The following ALG8 variants were observed in gnomAD, a reference collection of about 807,000 sequenced individuals.
ALG8 encodes the protein dolichyl pyrophosphate Glc1Man9GlcNAc2 alpha-1,3-glucosyltransferase.
ALG8 carries 48 observed loss-of-function variants against 70.2 expected under a neutral mutation model. That is an observed-to-expected ratio of 0.68 (90% CI 0.54 to 0.87). ALG8 has a LOEUF of 0.87. Among genes scored for constraint, ALG8 ranks in the 40% least tolerant of loss-of-function variants. ALG8 has a pLI of 0.00. For missense variants in ALG8, 572 were observed against 608.7 expected (o/e 0.94, Z 0.64); for synonymous variants, 234 against 229.0 (o/e 1.02, Z -0.20).
At chr11:78,134,726 T>C (rs1861468394) in intron 1 of ALG8, among the ~76,000 whole-genome samples, 1 of 152,238 alleles carries the variant, frequency 6.6e-6, no homozygotes, top group Admixed American at 6.5e-5. Flanking sequence ...CCATGAGAAG[T>C]AACTCCTCAT....
intron 5 of ALG8, among the ~76,000 whole-genome samples, chr11:78,117,412 T>C (rs7111247): frequency 0.07 from 10,597 of 152,102 alleles, 1,231 homozygotes; most frequent in African/African-American, 0.24. Context: ...GTTTACTCAA[T>C]AAGATATATG....
At chr11:78,103,911 G>A in intron 12 of ALG8, 69 bp downstream of exon 12, 1 of 849,084 alleles carries the variant, frequency 1.2e-6, no homozygotes, top group Non-Finnish European at 1.9e-6. Context: ...AATTTAAAGA[G>A]CTTATTTGAC....
chr11:78,111,718 A>C (rs1590813061), intron 8 of ALG8, among the ~76,000 whole-genome samples: 1 of 152,222 alleles, frequency 6.6e-6, no homozygotes, highest in Non-Finnish European at 1.5e-5. Flanking sequence ...AAGTTTGCTG[A>C]CCACCACTCT....
chr11:78,139,219 G>A (rs1861689868), intron 1 of ALG8: 2 of 485,168 alleles, frequency 4.1e-6, no homozygotes, highest in South Asian at 2.2e-5. Flanking sequence ...GCTGTTGGAG[G>A]CAGAGGTTCT....
intron 1 of ALG8, among the ~76,000 whole-genome samples, chr11:78,135,891 G>C (rs1437016767): frequency 6.6e-6 from 1 of 151,458 alleles, no homozygotes; most frequent in Non-Finnish European, 1.5e-5. Context: ...AATAATGGGT[G>C]GGTGCAGTGG....
At chr11:78,135,827 G>C (rs1861520840) in intron 1 of ALG8, among the ~76,000 whole-genome samples, 1 of 148,292 alleles carries the variant, frequency 6.7e-6, no homozygotes, top group Non-Finnish European at 1.5e-5. Flanking sequence ...CAGCATGGGA[G>C]ACAGAGTGAA....
At chr11:78,112,885 C>A in intron 7 of ALG8, 115 bp from the exon 8 acceptor site, 2 of 1,312,182 alleles carry the variant, frequency 1.5e-6, no homozygotes, top group South Asian at 1.3e-5. Context: ...GGTCTGGGTT[C>A]TAGTAAGTAA....
chr11:78,134,827 G>A (rs1861473367), intron 1 of ALG8, among the ~76,000 whole-genome samples: 1 of 152,162 alleles, frequency 6.6e-6, no homozygotes, highest in South Asian at 2.1e-4. Context: ...CATGACATCT[G>A]CAGTTACTTT....
intron 3 of ALG8, among the ~76,000 whole-genome samples, chr11:78,123,444 A>T (rs930328077): frequency 1.3e-5 from 2 of 152,090 alleles, no homozygotes; most frequent in Non-Finnish European, 1.5e-5. Context: ...CTTAAAATTA[A>T]CTTATAAGTA....
At chr11:78,115,490 C>T (rs1860518913) in intron 5 of ALG8, among the ~76,000 whole-genome samples, 1 of 151,962 alleles carries the variant, frequency 6.6e-6, no homozygotes, top group African/African-American at 2.4e-5. Context: ...TCAAGTAATT[C>T]TCCTGCCTCA....
intron 1 of ALG8, 161 bp downstream of exon 1, chr11:78,139,333 C>T (rs1861694537): frequency 1.4e-6 from 1 of 739,362 alleles, no homozygotes; most frequent in Non-Finnish European, 2.3e-6. Context: ...GGGGCTAAGT[C>T]AAGTAACAAC....
At chr11:78,137,431 T>G (rs181641823) in intron 1 of ALG8, 1 of 152,292 alleles carries the variant, frequency 6.6e-6, no homozygotes, top group Non-Finnish European at 1.5e-5. Flanking sequence ...CAAGAACTTT[T>G]CCTCTGCACT....
chr11:78,113,632 G>T (rs1219153054), intron 7 of ALG8, among the ~76,000 whole-genome samples: 2 of 150,982 alleles, frequency 1.3e-5, no homozygotes, highest in African/African-American at 4.9e-5. Context: ...AGAATCGCTT[G>T]AATCCAGGAG....
intron 10 of ALG8, among the ~76,000 whole-genome samples, chr11:78,105,923 G>A (rs1460621273): frequency 2.6e-5 from 4 of 151,820 alleles, no homozygotes; most frequent in African/African-American, 9.7e-5. Context: ...TGGCCAGGCT[G>A]ATCTCAAACT....
chr11:78,119,120 T>C, intron 5 of ALG8, 62 bp downstream of exon 5: 2 of 1,316,910 alleles, frequency 1.5e-6, no homozygotes, highest in Non-Finnish European at 2.2e-6. Context: ...ACTACACTGT[T>C]CCCTTTACAA....
intron 10 of ALG8, among the ~76,000 whole-genome samples, chr11:78,106,594 G>A (rs1445207906): frequency 6.6e-6 from 1 of 152,096 alleles, no homozygotes; most frequent in Non-Finnish European, 1.5e-5. Flanking sequence ...TTCCAAAAAC[G>A]CAGAAACAGA....
intron 1 of ALG8, among the ~76,000 whole-genome samples, chr11:78,136,177 G>A (rs888941862): frequency 6.6e-6 from 1 of 151,150 alleles, no homozygotes; most frequent in Admixed American, 6.6e-5. Flanking sequence ...AAAAAGAAAA[G>A]AAAAAGGAAA....
At position 78,119,192 on chromosome 11, in the gene ALG8, C is replaced by A. The variant is rs769462985; in HGVS notation, c.536G>T (p.Arg179Leu). 6.2e-7 allele frequency: 1 copy of A among 1,606,326 alleles called. No homozygotes were observed. The highest frequency in any genetic ancestry group is 1.1e-5 in the South Asian group (1 of 90,898). Residue 179 changes from arginine (R) to leucine (L), a missense_variant, in exon 5 of 13, where the codon CGA (arginine) becomes CTA (leucine). Coordinates refer to ENST00000299626, the MANE Select transcript of ALG8 (RefSeq NM_024079.5). ...AACAATTATGTTTACCTGAAATAAT[C>A]GTGCAATGGAGAGTAGCATTAATCC... is the stretch of plus-strand genomic sequence containing the variant. The part of the protein sequence containing the change: ...LFGLMLLSIA[R>L]LFQKRHMEGA...
At chr11:78,127,533 A>G (rs1288557368) in intron 1 of ALG8, 97 bp from the exon 2 acceptor site, 2 of 1,017,872 alleles carry the variant, frequency 2.0e-6, no homozygotes, top group Non-Finnish European at 3.0e-6. Context: ...ACATTCCCTA[A>G]GCTGTCACAG....
Sources: allele counts gnomAD v4.1 joint callset (sites outside exome capture counted in the v4.1 genomes callset), GRCh38; gene constraint gnomAD v4.1.1; transcripts MANE v1.5; gene names NCBI Gene and HGNC (gene_info 2026-07-23, HGNC 2026-07-21).